ETV6: variants seen among roughly 807,000 people sequenced by gnomAD.
ETV6 encodes transcription factor ETV6.
A neutral mutation model predicts 51.1 loss-of-function variants in ETV6; 16 were observed. That is an observed-to-expected ratio of 0.31 (90% CI 0.21 to 0.48). ETV6 has a LOEUF of 0.48. Ranked by LOEUF, ETV6 falls within the 20% of genes least tolerant of loss-of-function variation. The pLI is 0.99. For missense variants in ETV6, 458 were observed against 594.8 expected (o/e 0.77, Z 2.39); for synonymous variants, 240 against 224.1 (o/e 1.07, Z -0.64).
chr12:11,788,383 G>T (rs997771812), intron 2 of ETV6, among the ~76,000 whole-genome samples: 2 of 151,980 alleles, frequency 1.3e-5, no homozygotes, highest in African/African-American at 4.8e-5. Flanking sequence ...TAAAAAAAAC[G>T]AACCACCACC....
At chr12:11,712,440 C>CA (rs1342681517) in intron 1 of ETV6, among the ~76,000 whole-genome samples, 1 of 152,200 alleles carries the variant, frequency 6.6e-6, no homozygotes, top group Non-Finnish European at 1.5e-5. Context: ...GAAAACCTCT[C>CA]AGAGACCCAT....
rs528691694 is a variant in ETV6 at position 11,875,710 on chromosome 12, T to C, written c.1009+5741T>C. ...GCCTCGAGCTTCTGTTCAGTGTTTT[T>C]CCCAAAATTATTGTTTCCTTCTGGT... On this transcript the variant is annotated intron_variant, in intron 5 of 7. Coordinates refer to ENST00000396373, the MANE Select transcript of ETV6 (RefSeq NM_001987.5). 3.0e-3 allele frequency among the ~76,000 whole-genome samples: 450 copies of C among 152,324 alleles called. 3 individuals are homozygous for C. Among genetic ancestry groups the C allele is most frequent in the African/African-American group, 0.01 (432 of 41,584 alleles).
At chr12:11,838,654 G>A (rs755375579) in intron 2 of ETV6, among the ~76,000 whole-genome samples, 1 of 152,168 alleles carries the variant, frequency 6.6e-6, no homozygotes, top group Admixed American at 6.5e-5. Flanking sequence ...CTCAGCTCTG[G>A]AACATTCTTT....
chr12:11,822,717 G>A (rs1283306641), intron 2 of ETV6, among the ~76,000 whole-genome samples: 1 of 152,228 alleles, frequency 6.6e-6, no homozygotes, highest in East Asian at 1.9e-4. Context: ...GCTTTTGTCA[G>A]TGAATTGCAA....
intron 1 of ETV6, among the ~76,000 whole-genome samples, chr12:11,706,634 T>C (rs1484717761): frequency 1.3e-5 from 2 of 152,178 alleles, no homozygotes; most frequent in African/African-American, 2.4e-5. Flanking sequence ...ACCTGCACTG[T>C]TTTGTGAGCA....
At chr12:11,864,660 T>G (rs1157557918) in intron 4 of ETV6, among the ~76,000 whole-genome samples, 1 of 152,156 alleles carries the variant, frequency 6.6e-6, no homozygotes, top group Admixed American at 6.5e-5. Context: ...TTTTAGTTGG[T>G]GCCCAGTAAG....
At chr12:11,776,536 C>A (rs1283770640) in intron 2 of ETV6, among the ~76,000 whole-genome samples, 1 of 152,118 alleles carries the variant, frequency 6.6e-6, no homozygotes, top group Non-Finnish European at 1.5e-5. Flanking sequence ...TGAGCCACCA[C>A]ACCCAGCCAG....
At chr12:11,664,639 C>T (rs923074286) in intron 1 of ETV6, among the ~76,000 whole-genome samples, 9 of 152,090 alleles carry the variant, frequency 5.9e-5, no homozygotes, top group Non-Finnish European at 1.2e-4. Context: ...GTTTGGTCCA[C>T]GATGCACTAA....
chr12:11,736,798 C>T (rs964205026), intron 1 of ETV6, among the ~76,000 whole-genome samples: 1 of 152,206 alleles, frequency 6.6e-6, no homozygotes, highest in Non-Finnish European at 1.5e-5. Context: ...AGACTTCAAA[C>T]TTCATCAGTA....
At chr12:11,774,204 G>A (rs1945284287) in intron 2 of ETV6, among the ~76,000 whole-genome samples, 1 of 152,232 alleles carries the variant, frequency 6.6e-6, no homozygotes, top group Non-Finnish European at 1.5e-5. Context: ...AAATGAGAAA[G>A]GAGGGCGAGT....
At position 11,715,867 on chromosome 12, in the gene ETV6, G is replaced by A. The variant is rs960571658; in HGVS notation, c.34-36583G>A. On this transcript the variant is annotated intron_variant, in intron 1 of 7. Coordinates refer to ENST00000396373, the MANE Select transcript of ETV6 (RefSeq NM_001987.5). ...ACTCAAATCAGAGAATTTGCATCAG[G>A]TTTCTGTAGGTTTCTTATAATAATC... Among the ~76,000 whole-genome samples, 6 of 152,292 alleles carry A rather than the reference G, an allele frequency of 3.9e-5. No homozygotes were observed. In the South Asian group the frequency reaches 1.2e-3, roughly 32 times the overall value.
intron 1 of ETV6, among the ~76,000 whole-genome samples, chr12:11,653,008 C>T (rs1329568572): frequency 6.6e-6 from 1 of 152,160 alleles, no homozygotes; most frequent in Non-Finnish European, 1.5e-5. Flanking sequence ...TGTTTCTCTA[C>T]ACGCGACTTG....
intron 1 of ETV6, among the ~76,000 whole-genome samples, chr12:11,730,263 G>A (rs575805795): frequency 3.9e-5 from 6 of 152,278 alleles, no homozygotes; most frequent in Middle Eastern, 3.4e-3. Context: ...TAGGCCTCTG[G>A]GATTGTGGTG....
intron 1 of ETV6, among the ~76,000 whole-genome samples, chr12:11,696,557 A>G: frequency 6.6e-6 from 1 of 152,190 alleles, no homozygotes; most frequent in East Asian, 1.9e-4. Context: ...AGTGGCTCAC[A>G]CCTGTAATCC....
intron 2 of ETV6, among the ~76,000 whole-genome samples, chr12:11,835,219 T>C (rs1946299127): frequency 6.6e-6 from 1 of 152,250 alleles, no homozygotes; most frequent in African/African-American, 2.4e-5. Context: ...TCACTTTCTC[T>C]GTACAAAATT....
chr12:11,669,065 C>G (rs1048057724), intron 1 of ETV6, among the ~76,000 whole-genome samples: 1 of 152,210 alleles, frequency 6.6e-6, no homozygotes, highest in Admixed American at 6.5e-5. Context: ...TGCACATGCA[C>G]ACATATCTTT....
At chr12:11,852,366 G>T (rs1480571518) in intron 3 of ETV6, among the ~76,000 whole-genome samples, 1 of 152,228 alleles carries the variant, frequency 6.6e-6, no homozygotes, top group Admixed American at 6.5e-5. Flanking sequence ...AGCAATGCCT[G>T]TGTGCATTTT....
intron 2 of ETV6, among the ~76,000 whole-genome samples, chr12:11,777,036 C>T (rs905635164): frequency 6.6e-6 from 1 of 152,044 alleles, no homozygotes. Flanking sequence ...CAGGAGACTG[C>T]GACCATCCTG....
chr12:11,827,885 C>T (rs1461784476), intron 2 of ETV6, among the ~76,000 whole-genome samples: 2 of 152,178 alleles, frequency 1.3e-5, no homozygotes, highest in Non-Finnish European at 2.9e-5. Context: ...TTCAGGCACC[C>T]TCAGGAGAGT....
Sources: allele counts gnomAD v4.1 joint callset (sites outside exome capture counted in the v4.1 genomes callset), GRCh38; gene constraint gnomAD v4.1.1; transcripts MANE v1.5; gene names NCBI Gene and HGNC (gene_info 2026-07-23, HGNC 2026-07-21).